Variants in FRK observed in about 807,000 individuals in gnomAD.
FRK encodes the protein fyn related Src family tyrosine kinase.
A neutral mutation model predicts 56.4 loss-of-function variants in FRK; 51 were observed. The observed-to-expected ratio is 0.90, with a 90% CI of 0.72 to 1.14. The LOEUF is 1.14. Ranked by LOEUF, FRK falls within the 50% of genes most tolerant of loss-of-function variation. FRK has a pLI of 0.00. For missense variants in FRK, 570 were observed against 601.4 expected, an observed-to-expected ratio of 0.95 and a Z score of 0.55; for synonymous variants, 245 against 217.9, an observed-to-expected ratio of 1.12 and a Z score of -1.10.
At chr6:116,021,468 A>C (rs969284622) in intron 1 of FRK, among the ~76,000 whole-genome samples, 1 of 152,194 alleles carries the variant, frequency 6.6e-6, no homozygotes, top group East Asian at 1.9e-4. Context: ...AGAGTGATAC[A>C]GTATAATTGC....
the FRK span, among the ~76,000 whole-genome samples, chr6:116,092,430 C>G: frequency 6.6e-6 from 1 of 152,134 alleles, no homozygotes; most frequent in African/African-American, 2.4e-5. Flanking sequence ...GGTCCCAATA[C>G]TAACAGGAGA....
rs539732839 is a variant in FRK, at chr6:115,939,932, C to G, written c.*2482G>C. Reference sequence around the variant, plus strand: ...AGGCAATTTATATATTCAGTGCTATCCCCATCAAACTACCATTGACTTTCT... The same window carrying G: ...AGGCAATTTATATATTCAGTGCTATGCCCATCAAACTACCATTGACTTTCT... On this transcript the variant is annotated 3_prime_UTR_variant, in exon 8 of 8. Transcript: ENST00000606080. 6.6e-6 allele frequency: 1 copy of G among 152,146 alleles called. No individual in the cohort carries two copies. The highest frequency in any genetic ancestry group is 2.4e-5 in the African/African-American group (1 of 41,430). The allele number at this position is 152,146 out of a possible 1,614,324, so 9.4% of individuals were successfully genotyped here. A position where few individuals can be genotyped will look rare whatever the true frequency, so the allele number is the denominator to read the frequency against.
intron 1 of FRK, among the ~76,000 whole-genome samples, chr6:116,058,038 G>A (rs2114834139): frequency 6.6e-6 from 1 of 152,252 alleles, no homozygotes; most frequent in Middle Eastern, 3.4e-3. Flanking sequence ...CAACCCCAGA[G>A]AGTTGCAGAT....
upstream of FRK, among the ~76,000 whole-genome samples, chr6:116,063,777 A>T (rs921893912): frequency 2.6e-5 from 4 of 152,242 alleles, no homozygotes; most frequent in East Asian, 7.7e-4. Context: ...TGTTACAAAT[A>T]ACATATCATT....
At chr6:116,028,975 G>A (rs1471421654) in intron 1 of FRK, among the ~76,000 whole-genome samples, 1 of 152,068 alleles carries the variant, frequency 6.6e-6, no homozygotes, top group African/African-American at 2.4e-5. Context: ...TGCCCTCACT[G>A]AGCAGACAGT....
At chr6:116,059,566 TA>T (rs1157896181) in intron 1 of FRK, among the ~76,000 whole-genome samples, 1 of 151,936 alleles carries the variant, frequency 6.6e-6, no homozygotes, top group Non-Finnish European at 1.5e-5. Context: ...AAGTTTTTTT[TA>T]AAAAAAAGAA....
At chr6:115,990,970 T>C (rs765421005) in intron 2 of FRK, among the ~76,000 whole-genome samples, 1 of 151,964 alleles carries the variant, frequency 6.6e-6, no homozygotes, top group Non-Finnish European at 1.5e-5. Flanking sequence ...ATAGTTGTCC[T>C]TGTAGAGGTC....
chr6:115,985,657 T>C (rs1478394119), intron 2 of FRK, among the ~76,000 whole-genome samples: 1 of 152,070 alleles, frequency 6.6e-6, no homozygotes, highest in Admixed American at 6.6e-5. Context: ...TAGTACCTAC[T>C]TCAAATAAAT....
chr6:115,975,324 G>A (rs928523449), intron 2 of FRK, among the ~76,000 whole-genome samples: 1 of 151,954 alleles, frequency 6.6e-6, no homozygotes, highest in African/African-American at 2.4e-5. Context: ...TGGAAGATAT[G>A]TATTATTTAA....
At chr6:116,024,065 C>CAA (rs1249620174) in intron 1 of FRK, among the ~76,000 whole-genome samples, 1 of 144,660 alleles carries the variant, frequency 6.9e-6, no homozygotes, top group Non-Finnish European at 1.5e-5. Flanking sequence ...CTTACACACA[C>CAA]ACACACACAC....
chr6:116,003,968 A>T lies in FRK; in HGVS notation c.375T>A (p.Asp125Glu). ...PWFFGAIGRS[D>E]AEKQLLYSEN... ...CTGAATATAATAGTTGTTTCTCTGC[A>T]TCTGATCTTCCGATTGCTCCAAAGA... The change falls in exon 2 of 8, where the codon GAT (aspartate) becomes GAA (glutamate). Residue 125 changes from aspartate to glutamate, a missense_variant. Asp to Glu is a conservative substitution (Grantham distance 45). Transcript: ENST00000606080. 6.2e-7 allele frequency: 1 copy of T among 1,613,086 alleles called. No individual in the cohort carries two copies. The highest frequency in any genetic ancestry group is 1.7e-5 in the Admixed American group (1 of 60,018).
intron 2 of FRK, among the ~76,000 whole-genome samples, chr6:115,972,225 C>T (rs533535885): frequency 2.6e-5 from 4 of 152,280 alleles, no homozygotes; most frequent in South Asian, 4.1e-4. Context: ...TCTACAGTGC[C>T]ATGGCACTTT....
chr6:115,947,759 A>T (rs1415736589), intron 5 of FRK, among the ~76,000 whole-genome samples: 3 of 152,206 alleles, frequency 2.0e-5, no homozygotes, highest in Admixed American at 2.0e-4. Context: ...AGCTGACATT[A>T]TTCAGTCTAA....
At chr6:116,035,513 C>A (rs1776444793) in intron 1 of FRK, among the ~76,000 whole-genome samples, 1 of 152,078 alleles carries the variant, frequency 6.6e-6, no homozygotes, top group South Asian at 2.1e-4. Flanking sequence ...TACGTAATAA[C>A]ATTGAATGAA....
At chr6:115,975,141 G>A (rs1476712129) in intron 2 of FRK, among the ~76,000 whole-genome samples, 3 of 151,714 alleles carry the variant, frequency 2.0e-5, no homozygotes, top group Non-Finnish European at 4.4e-5. Context: ...ATTTTAAAAT[G>A]GCAAAAATAA....
intron 1 of FRK, among the ~76,000 whole-genome samples, chr6:116,023,952 G>A (rs1346637233): frequency 7.4e-6 from 1 of 134,882 alleles, no homozygotes; most frequent in African/African-American, 2.7e-5. Flanking sequence ...AGTTACACTT[G>A]AAAATAACTA....
At chr6:116,034,026 G>A (rs906090569) in intron 1 of FRK, among the ~76,000 whole-genome samples, 8 of 152,098 alleles carry the variant, frequency 5.3e-5, no homozygotes, top group Admixed American at 1.3e-4. Context: ...CAAGGTATTC[G>A]GCCTGAGCAA....
the FRK span, among the ~76,000 whole-genome samples, chr6:116,092,879 T>C: frequency 6.6e-6 from 1 of 152,202 alleles, no homozygotes; most frequent in Non-Finnish European, 1.5e-5. Context: ...TCCTAAGCCA[T>C]TGGGACCAAT....
chr6:115,982,930 G>T lies in FRK; in HGVS notation c.467-14191C>A, dbSNP rs980131916. On this transcript the variant is annotated intron_variant, in intron 2 of 7. Coordinates refer to ENST00000606080, the MANE Select transcript of FRK (RefSeq NM_002031.3). ...CTACTAAAAATACAAAATTTAGCCA[G>T]GCATGGTGGCACACACCTCTAATCC... Among the ~76,000 whole-genome samples the T allele has an allele frequency of 2.0e-5, 3 of 151,936 alleles. No homozygotes were observed. The East Asian group carries it at 5.8e-4, about 29-fold the overall frequency.
Sources: allele counts gnomAD v4.1 joint callset (sites outside exome capture counted in the v4.1 genomes callset), GRCh38; gene constraint gnomAD v4.1.1; transcripts MANE v1.5; gene names NCBI Gene and HGNC (gene_info 2026-07-23, HGNC 2026-07-21).